The following SOD2 variants were observed in gnomAD, a reference collection of about 807,000 sequenced individuals.
SOD2 encodes the protein superoxide dismutase 2, also known as superoxide dismutase [Mn], mitochondrial.
In SOD2, 11 loss-of-function variants were observed where a neutral mutation model predicts 27.0. The ratio of observed to expected loss-of-function variants is 0.41; its 90% confidence interval spans 0.26 to 0.67. SOD2 has a LOEUF of 0.67. Ranked by LOEUF, SOD2 falls within the 30% of genes least tolerant of loss-of-function variation. The pLI, the probability that SOD2 is intolerant of heterozygous loss-of-function variation, is 0.34. For missense variants in SOD2, 250 were observed against 274.5 expected (o/e 0.91, Z 0.63); for synonymous variants, 105 against 103.0 (o/e 1.02, Z -0.12).
upstream of SOD2, chr6:159,727,816 G>A: frequency 6.8e-6 from 5 of 734,712 alleles, no homozygotes; most frequent in Non-Finnish European, 8.3e-6. Context: ...AGGCCACACG[G>A]GCCTGGTGCG....
At chr6:159,697,052 C>CAT (rs1426040038), upstream of SOD2, among the ~76,000 whole-genome samples, 15 of 151,252 alleles carry the variant, frequency 9.9e-5, no homozygotes, top group Non-Finnish European at 1.8e-4. Flanking sequence ...CACACACACA[C>CAT]ACACACACAC....
chr6:159,714,567 G>GGCGGTACTCTTTCCCACGGTACTA (rs946606669), intron 1 of SOD2, among the ~76,000 whole-genome samples: 1 of 152,186 alleles, frequency 6.6e-6, no homozygotes, highest in African/African-American at 2.4e-5. Context: ...TTCATCGCCA[G>GGCGGTACTCTTTCCCACGGTACTA]GCGGTACTCT....
At position 159,669,152 on chromosome 6, in the gene SOD2, A is replaced by G. The variant is rs562296767; in HGVS notation, c.*13341T>C. ...TTCCCCCTACAACTAATAAGGTACAAATAAAAGGCGTTCTGTCGGAATTAT... is the reference window on the plus strand; with the variant it reads ...TTCCCCCTACAACTAATAAGGTACAGATAAAAGGCGTTCTGTCGGAATTAT... On this transcript the variant is annotated 3_prime_UTR_variant, in exon 5 of 5. Transcript: ENST00000538183. 1 of 152,214 alleles carries G rather than the reference A, an allele frequency of 6.6e-6. No homozygotes were observed. Among genetic ancestry groups the G allele is most frequent in the Non-Finnish European group, 1.5e-5 (1 of 68,042 alleles). 9.4% of individuals were successfully genotyped at this position (152,214 alleles called of 1,614,324 possible).
intron 1 of SOD2, among the ~76,000 whole-genome samples, chr6:159,750,512 AT>A (rs1196955853): frequency 1.3e-5 from 2 of 152,226 alleles, no homozygotes; most frequent in East Asian, 3.8e-4. Flanking sequence ...AGTAACTGCT[AT>A]TACTTTTTCT....
chr6:159,682,763 G>T, intron 4 of SOD2, 125 bp from the exon 5 acceptor site: 1 of 836,018 alleles, frequency 1.2e-6, no homozygotes, highest in East Asian at 3.1e-5. Flanking sequence ...TCATTCACTT[G>T]TTTTTTTATA....
intron 1 of SOD2, chr6:159,736,183 GAGTC>G (rs1192854180): frequency 5.1e-6 from 7 of 1,372,630 alleles, no homozygotes; most frequent in Non-Finnish European, 6.1e-6. Context: ...TGATTTGAAA[GAGTC>G]AGTATTTTTT....
chr6:159,700,388 CTCACGCCTGTAA>C (rs917165115), intron 1 of SOD2, among the ~76,000 whole-genome samples: 1 of 152,166 alleles, frequency 6.6e-6, no homozygotes, highest in Non-Finnish European at 1.5e-5. Context: ...GGCGCGGTGG[CTCACGCCTGTAA>C]TCCGAGCACT....
Position 159,692,486 on chromosome 6 carries a change from T to C in SOD2, c.226+175A>G, listed in dbSNP as rs777922197. The C allele has an allele frequency of 1.3e-4, 185 of 1,443,856 alleles. 1 individual carries two copies. The highest frequency in any genetic ancestry group is 1.6e-4 in the Non-Finnish European group (178 of 1,094,210). The allele number at this position is 1,443,856 out of a possible 1,614,324, so 89.4% of individuals were successfully genotyped here. On this transcript the variant is annotated intron_variant, in intron 2 of 4. Transcript: ENST00000538183. ...TGTTCAAACCCATCGAGGCACTCCT[T>C]CTACAATGAGGTAGACCATGTGTTT...
chr6:159,743,554 T>C lies in SOD2; in HGVS notation c.-116+1576A>G. The C allele has an allele frequency of 2.8e-6, 3 of 1,053,644 alleles. No homozygotes were observed. The East Asian group carries it at 8.1e-5, about 28-fold the overall frequency. The allele number at this position is 1,053,644 out of a possible 1,614,324, so 65.3% of individuals were successfully genotyped here. A position where few individuals can be genotyped will look rare whatever the true frequency, so the allele number is the denominator to read the frequency against. On this transcript the variant is annotated intron_variant, in intron 1 of 3. Transcript: ENST00000537657. ...TCGCCTGTTATAAAAGTAGTTAGGA[T>C]GGAAACTAAAGACTTGATTAATTTT... is the stretch of plus-strand genomic sequence containing the variant.
In SOD2 at chr6:159,675,384, T is replaced by C. The variant is rs1230012108; in HGVS notation, c.*7109A>G. On this transcript the variant is annotated 3_prime_UTR_variant, in exon 5 of 5. Coordinates refer to ENST00000538183, the MANE Select transcript of SOD2 (RefSeq NM_000636.4). The stretch of plus-strand genomic sequence containing the variant: ...TGCAGTAACCAAAACAGCATGGTAC[T>C]AGTACCAAAACAGAGATATAGACCA... 6.6e-6 allele frequency: 1 copy of C among 152,182 alleles called. No individual in the cohort carries two copies. The highest frequency in any genetic ancestry group is 2.4e-5 in the African/African-American group (1 of 41,432). 9.4% of individuals were successfully genotyped at this position (152,182 alleles called of 1,614,324 possible).
At chr6:159,739,266 A>G (rs550062144) in intron 1 of SOD2, among the ~76,000 whole-genome samples, 1 of 152,346 alleles carries the variant, frequency 6.6e-6, no homozygotes, top group African/African-American at 2.4e-5. Flanking sequence ...TAACAAATAT[A>G]TGGCTTGTTT....
chr6:159,726,589 G>A (rs1175606687), intron 1 of SOD2: 4 of 357,878 alleles, frequency 1.1e-5, no homozygotes, highest in Non-Finnish European at 2.2e-5. Flanking sequence ...CGGTCCAGAT[G>A]GCAGTCTTAC....
At chr6:159,689,196 C>G (rs914370801) in intron 2 of SOD2, among the ~76,000 whole-genome samples, 9 of 152,216 alleles carry the variant, frequency 5.9e-5, no homozygotes, top group African/African-American at 2.2e-4. Context: ...CTTGGATGTT[C>G]CCCTCAAGGC....
chr6:159,730,389 C>T (rs1175897132), upstream of SOD2, among the ~76,000 whole-genome samples: 2 of 151,894 alleles, frequency 1.3e-5, no homozygotes, highest in East Asian at 1.9e-4. Context: ...TATTCATTGC[C>T]TTTATGAATC....
intron 1 of SOD2, among the ~76,000 whole-genome samples, chr6:159,732,868 CTCTCTG>C (rs1312139646): frequency 3.9e-5 from 5 of 129,040 alleles, no homozygotes; most frequent in South Asian, 2.5e-4. Context: ...CTCTCTCTCT[CTCTCTG>C]TATATATATA....
chr6:159,730,568 T>TGAACCTGTTCTAATTTGC (rs1221450063), upstream of SOD2, among the ~76,000 whole-genome samples: 1 of 152,284 alleles, frequency 6.6e-6, no homozygotes, highest in East Asian at 1.9e-4. Context: ...TTGTAAATTT[T>TGAACCTGTTCTAATTTGC]GAACCTGTTC....
At chr6:159,746,985 G>A (rs987592247), upstream of SOD2, among the ~76,000 whole-genome samples, 3 of 152,022 alleles carry the variant, frequency 2.0e-5, no homozygotes, top group Non-Finnish European at 2.9e-5. Context: ...GTTTATTCTC[G>A]CTCTGTTATC....
intron 1 of SOD2, among the ~76,000 whole-genome samples, chr6:159,712,446 TGCTC>T (rs1562438766): frequency 4.7e-4 from 21 of 44,568 alleles, no homozygotes; most frequent in Non-Finnish European, 6.7e-4. Flanking sequence ...CCACTCACAC[TGCTC>T]AGACCTCCAT....
chr6:159,749,597 C>T (rs1346338147), upstream of SOD2, among the ~76,000 whole-genome samples: 1 of 152,158 alleles, frequency 6.6e-6, no homozygotes, highest in African/African-American at 2.4e-5. Context: ...AAAAGACCTA[C>T]ATAAAAGACA....
Sources: gnomAD v4.1 joint callset for allele counts (sites outside exome capture counted in the v4.1 genomes callset) on GRCh38, gnomAD v4.1.1 for gene constraint, MANE v1.5 for transcripts, NCBI Gene and HGNC (gene_info 2026-07-23, HGNC 2026-07-21) for gene names.